STK33: variants seen among roughly 807,000 people sequenced by gnomAD.
STK33 encodes serine/threonine kinase 33.
In STK33, 52 loss-of-function variants were observed where a neutral mutation model predicts 58.0. The ratio of observed to expected loss-of-function variants is 0.90; its 90% CI spans 0.72 to 1.13. The LOEUF (loss-of-function observed/expected upper bound fraction) is 1.13, where lower values mean the gene tolerates loss of function less well. Ranked by LOEUF, STK33 falls within the 50% of genes most tolerant of loss-of-function variation. STK33 has a pLI of 0.00. For synonymous variants in STK33, 215 were observed against 200.1 expected (o/e 1.07, Z -0.63); for missense variants, 630 against 604.2 (o/e 1.04, Z -0.45).
the STK33 span, among the ~76,000 whole-genome samples, chr11:8,355,563 T>C: frequency 1.1e-4 from 16 of 152,156 alleles, no homozygotes; most frequent in Non-Finnish European, 2.4e-4. Flanking sequence ...TTCCTTCCTC[T>C]CCTTGTCCAG....
chr11:8,542,482 G>C (rs954628875), intron 1 of STK33, among the ~76,000 whole-genome samples: 3 of 152,110 alleles, frequency 2.0e-5, no homozygotes, highest in Non-Finnish European at 4.4e-5. Context: ...AACATCTTTC[G>C]TTGTCACAAC....
chr11:8,374,667 C>T, the STK33 span, among the ~76,000 whole-genome samples: 2 of 152,324 alleles, frequency 1.3e-5, no homozygotes, highest in African/African-American at 4.8e-5. Flanking sequence ...TCCCTACCTC[C>T]AGATACAGTC....
intron 1 of STK33, among the ~76,000 whole-genome samples, chr11:8,539,389 A>G (rs1565311728): frequency 6.6e-6 from 1 of 152,126 alleles, no homozygotes; most frequent in Non-Finnish European, 1.5e-5. Context: ...TGATGAGGCC[A>G]TGAGTGATCG....
the STK33 span, among the ~76,000 whole-genome samples, chr11:8,344,198 AAC>A: frequency 5.1e-3 from 696 of 137,204 alleles, 7 homozygotes; most frequent in Middle Eastern, 0.053. Flanking sequence ...AAACAAACAA[AAC>A]ACACACACAC....
intron 1 of STK33, among the ~76,000 whole-genome samples, chr11:8,503,508 T>C (rs1435847439): frequency 6.6e-6 from 1 of 152,132 alleles, no homozygotes; most frequent in African/African-American, 2.4e-5. Context: ...AAAAAACTAC[T>C]GATTGGGTAC....
chr11:8,383,210 CCAAGAGACATGGGGATGTTTAG>C, the STK33 span, among the ~76,000 whole-genome samples: 2 of 152,124 alleles, frequency 1.3e-5, no homozygotes, highest in Non-Finnish European at 2.9e-5. Context: ...AAGGAAGAGT[CCAAGAGACATGGGGATGTTTAG>C]CCTGAAGAAG....
chr11:8,464,166 A>C (rs1217570232), intron 7 of STK33, among the ~76,000 whole-genome samples: 1 of 152,192 alleles, frequency 6.6e-6, no homozygotes, highest in Non-Finnish European at 1.5e-5. Flanking sequence ...TCGTCAAGAG[A>C]AGCTCAGTCG....
intron 1 of STK33, among the ~76,000 whole-genome samples, chr11:8,581,685 A>T (rs2030305747): frequency 6.6e-6 from 1 of 152,204 alleles, no homozygotes; most frequent in Non-Finnish European, 1.5e-5. Flanking sequence ...AACTTCCCCT[A>T]TGTGATTAAT....
Position 8,413,617 on chromosome 11 carries a change from C to A in STK33, c.1222G>T (p.Val408Phe). The A allele has an allele frequency of 6.2e-7, 1 of 1,614,030 alleles. No homozygotes were observed. The highest frequency in any genetic ancestry group is 8.5e-7 in the Non-Finnish European group (1 of 1,179,966). The change falls in exon 15 of 16, where the codon GTT becomes TTT. Residue 408 changes from valine (V) to phenylalanine (F), a missense_variant. Transcript: ENST00000687296. Reference sequence around the variant, plus strand: ...TTCTCTTCTGTTGTGTTTTCCTCAACACTTTCTGGGTTATTTTTCCATTCC... The same window carrying A: ...TTCTCTTCTGTTGTGTTTTCCTCAAAACTTTCTGGGTTATTTTTCCATTCC... ...MKEWKNNPES[V>F]EENTTEEKNK...
chr11:8,464,829 A>T lies in STK33; in HGVS notation c.340-7T>A. The stretch of plus-strand genomic sequence containing the variant: ...TTCCAAAGGTATAGATTTCCTGGAG[A>T]AAAAAAAAAAAAGAGTTGTCTCTCT... On this transcript the variant is annotated splice_polypyrimidine_tract_variant and splice_region_variant and intron_variant, in intron 6 of 15. Transcript: ENST00000687296. 3 of 804,384 alleles carry T rather than the reference A, an allele frequency of 3.7e-6. No individual in the cohort carries two copies. The highest frequency in any genetic ancestry group is 5.2e-6 in the Non-Finnish European group (3 of 572,228). 49.8% of individuals were successfully genotyped at this position (804,384 alleles called of 1,614,324 possible).
rs373523733 is a variant in STK33, at chr11:8,584,360, T to C, written c.-466+9723A>G. On this transcript the variant is annotated intron_variant, in intron 1 of 15. Transcript: ENST00000687296. ...CTGGAACTTCATACATATTCCTTCA[T>C]GTCTGAAGTGCCAGCCTGGACTGTG... Among the ~76,000 whole-genome samples the C allele has an allele frequency of 1.6e-3, 250 of 152,304 alleles. 2 individuals are homozygous for C. The highest frequency in any genetic ancestry group is 5.7e-3 in the African/African-American group (237 of 41,554).
chr11:8,370,738 G>A, the STK33 span, among the ~76,000 whole-genome samples: 22 of 152,238 alleles, frequency 1.4e-4, no homozygotes, highest in East Asian at 3.3e-3. Context: ...GAGGGGCCCC[G>A]GGCAAGAGTG....
intron 15 of STK33, among the ~76,000 whole-genome samples, chr11:8,413,120 G>GA (rs1055177394): frequency 1.2e-4 from 18 of 152,096 alleles, no homozygotes; most frequent in African/African-American, 3.4e-4. Context: ...TGTTTTGGGG[G>GA]AAAAAATAGT....
At chr11:8,439,712 A>G (rs1187799124) in intron 12 of STK33, among the ~76,000 whole-genome samples, 1 of 151,730 alleles carries the variant, frequency 6.6e-6, no homozygotes, top group African/African-American at 2.4e-5. Flanking sequence ...GTGCACAGGA[A>G]TACATATCCA....
chr11:8,475,785 G>A (rs1378629594), intron 4 of STK33: 2 of 152,098 alleles, frequency 1.3e-5, no homozygotes, highest in East Asian at 3.9e-4. Flanking sequence ...ACATATAAAG[G>A]AGTACTTTGA....
intron 1 of STK33, among the ~76,000 whole-genome samples, chr11:8,495,194 C>T (rs186535575): frequency 1.3e-5 from 2 of 152,118 alleles, no homozygotes; most frequent in Admixed American, 1.3e-4. Context: ...ACAATCTACC[C>T]ATCTGACAAA....
rs556009340 is a variant in STK33 at position 8,495,954 on chromosome 11, G to T, written c.-465-15340C>A. ...CACACACTGGGGCCTGTCATGGGGT[G>T]GGGGGCTGGGAGAGGGATAGCATTA... On this transcript the variant is annotated intron_variant, in intron 1 of 15. Transcript: ENST00000687296. Among the ~76,000 whole-genome samples, 17 of 151,858 alleles carry T rather than the reference G, an allele frequency of 1.1e-4. No individual in the cohort carries two copies. In the South Asian group the frequency reaches 2.3e-3, roughly 20 times the overall value.
intron 15 of STK33, among the ~76,000 whole-genome samples, chr11:8,402,322 G>A (rs1392785980): frequency 2.6e-5 from 4 of 152,110 alleles, no homozygotes; most frequent in Non-Finnish European, 5.9e-5. Context: ...GTAGGGACAT[G>A]GATGAAGCTG....
At chr11:8,474,332 A>G (rs570080358) in intron 5 of STK33, among the ~76,000 whole-genome samples, 34 of 152,352 alleles carry the variant, frequency 2.2e-4, no homozygotes, top group African/African-American at 7.9e-4. Context: ...TTACTTAACC[A>G]CAACTATAAA....
Sources: allele counts gnomAD v4.1 joint callset (sites outside exome capture counted in the v4.1 genomes callset), GRCh38; gene constraint gnomAD v4.1.1; transcripts MANE v1.5; gene names NCBI Gene and HGNC (gene_info 2026-07-23, HGNC 2026-07-21).